The following PCDHA1 variants were observed in gnomAD, a reference collection of about 807,000 sequenced individuals.
The protein encoded by PCDHA1 is protocadherin alpha-1.
In PCDHA1, 42 loss-of-function variants were observed where a neutral mutation model predicts 61.3. That is an observed-to-expected ratio of 0.69 (90% CI 0.54 to 0.89). PCDHA1 has a LOEUF of 0.89. PCDHA1 is among the 40% of genes least tolerant of loss of function. PCDHA1 has a pLI of 0.00. For synonymous variants in PCDHA1, 610 were observed against 553.8 expected (o/e 1.10, Z -1.43); for missense variants, 1,256 against 1,235.3 (o/e 1.02, Z -0.25).
At chr5:140,878,577 G>A (rs1228813773) in intron 1 of PCDHA1, among the ~76,000 whole-genome samples, 2 of 152,122 alleles carry the variant, frequency 1.3e-5, no homozygotes, top group African/African-American at 2.4e-5. Context: ...GTATACCACT[G>A]CCCTGTGCCT....
intron 1 of PCDHA1, among the ~76,000 whole-genome samples, chr5:140,793,145 A>C (rs1161397224): frequency 6.6e-6 from 1 of 152,236 alleles, no homozygotes; most frequent in African/African-American, 2.4e-5. Flanking sequence ...AGAGTCATCA[A>C]ACTGGTAATT....
intron 1 of PCDHA1, chr5:140,816,182 C>G (rs2126670067): frequency 7.9e-5 from 12 of 152,234 alleles, no homozygotes; most frequent in African/African-American, 2.9e-4. Flanking sequence ...CTTAGGCTTT[C>G]TTTACTCTCT....
chr5:140,905,120 G>T (rs1191513318), intron 1 of PCDHA1, among the ~76,000 whole-genome samples: 3 of 152,214 alleles, frequency 2.0e-5, no homozygotes, highest in African/African-American at 7.2e-5. Flanking sequence ...CTAAGCCAAT[G>T]TCTAGAAGAG....
intron 1 of PCDHA1, among the ~76,000 whole-genome samples, chr5:140,832,518 C>T (rs1455279250): frequency 6.6e-6 from 1 of 152,190 alleles, no homozygotes; most frequent in African/African-American, 2.4e-5. Flanking sequence ...TCTGATTATA[C>T]TGAAGATCAC....
At chr5:140,887,333 T>A (rs1214047567) in intron 1 of PCDHA1, among the ~76,000 whole-genome samples, 1 of 152,174 alleles carries the variant, frequency 6.6e-6, no homozygotes, top group African/African-American at 2.4e-5. Context: ...CCTGACCTCG[T>A]GATCCACCTG....
intron 1 of PCDHA1, among the ~76,000 whole-genome samples, chr5:140,975,386 G>A (rs2096665314): frequency 6.6e-6 from 1 of 152,252 alleles, no homozygotes; most frequent in Admixed American, 6.5e-5. Flanking sequence ...ATGGGAATAA[G>A]ATCCATCACA....
At chr5:140,892,152 C>T (rs1364975733) in intron 1 of PCDHA1, among the ~76,000 whole-genome samples, 1 of 152,118 alleles carries the variant, frequency 6.6e-6, no homozygotes, top group African/African-American at 2.4e-5. Context: ...GCGTCTATTT[C>T]TGATATGTCC....
chr5:140,883,332 T>A, intron 1 of PCDHA1: 1 of 1,614,174 alleles, frequency 6.2e-7, no homozygotes, highest in East Asian at 2.2e-5. Context: ...ATCACTTCTT[T>A]GTCACTCCCC....
At chr5:140,885,930 AT>A (rs1188534786) in intron 1 of PCDHA1, among the ~76,000 whole-genome samples, 9 of 152,222 alleles carry the variant, frequency 5.9e-5, no homozygotes, top group Admixed American at 5.9e-4. Context: ...CTGTTTATCT[AT>A]TTTTTGACAT....
At chr5:140,791,894 T>C (rs1554118731) in intron 1 of PCDHA1, among the ~76,000 whole-genome samples, 1 of 152,176 alleles carries the variant, frequency 6.6e-6, no homozygotes, top group Non-Finnish European at 1.5e-5. Context: ...TGCTTGGACA[T>C]GTAAACGTTA....
intron 1 of PCDHA1, chr5:140,853,100 C>G: frequency 2.7e-6 from 1 of 369,590 alleles, no homozygotes; most frequent in Non-Finnish European, 3.8e-6. Flanking sequence ...AGGATGGTCT[C>G]GATCTCCTGA....
intron 1 of PCDHA1, among the ~76,000 whole-genome samples, chr5:140,826,782 C>T (rs1443804461): frequency 6.6e-6 from 1 of 152,004 alleles, no homozygotes; most frequent in Non-Finnish European, 1.5e-5. Flanking sequence ...TGAAAATAAC[C>T]TGCAAAAAGT....
rs557640687 is a variant in PCDHA1 at position 140,964,686 on chromosome 5, C to T, written c.2395-14263C>T. 7.2e-5 allele frequency among the ~76,000 whole-genome samples: 11 copies of T among 151,874 alleles called. No individual in the cohort carries two copies. In the East Asian group the frequency reaches 2.1e-3, roughly 29 times the overall value. On this transcript the variant is annotated intron_variant, in intron 1 of 3. Coordinates refer to ENST00000504120, the MANE Select transcript of PCDHA1 (RefSeq NM_018900.4). ...ACAGGCCAGGTCCACAATTTGTGCA[C>T]TTGAGAGATTAAGGCCTCCGAGATC...
chr5:140,808,858 C>T (rs1451689285), intron 1 of PCDHA1: 2 of 1,613,088 alleles, frequency 1.2e-6, no homozygotes, highest in African/African-American at 1.3e-5. Flanking sequence ...TCGTGCTGGA[C>T]GAAAACGACA....
intron 1 of PCDHA1, chr5:140,884,432 C>G: frequency 6.2e-7 from 1 of 1,613,880 alleles, no homozygotes; most frequent in Non-Finnish European, 8.5e-7. Context: ...TACTGCGCTG[C>G]GGTGCTCGGC....
At chr5:140,955,654 A>G (rs2095214723) in intron 1 of PCDHA1, among the ~76,000 whole-genome samples, 1 of 152,208 alleles carries the variant, frequency 6.6e-6, no homozygotes, top group South Asian at 2.1e-4. Flanking sequence ...TAATACACAT[A>G]TGAATTTTAA....
At chr5:140,935,255 C>T (rs914593610) in intron 1 of PCDHA1, among the ~76,000 whole-genome samples, 4 of 152,150 alleles carry the variant, frequency 2.6e-5, no homozygotes, top group African/African-American at 9.7e-5. Context: ...TAAAATACAT[C>T]ACATGTTTAT....
chr5:140,810,990 G>C (rs1764773060), intron 1 of PCDHA1: 1 of 152,100 alleles, frequency 6.6e-6, no homozygotes, highest in South Asian at 2.1e-4. Flanking sequence ...TAGGGGTCAA[G>C]ATTTATTTTT....
chr5:140,793,012 G>A (rs935160043), intron 1 of PCDHA1, among the ~76,000 whole-genome samples: 6 of 152,198 alleles, frequency 3.9e-5, no homozygotes, highest in Admixed American at 6.5e-5. Flanking sequence ...GTGGACCCAT[G>A]TCTAGCCAAT....
Sources: allele counts gnomAD v4.1 joint callset (sites outside exome capture counted in the v4.1 genomes callset), GRCh38; gene constraint gnomAD v4.1.1; transcripts MANE v1.5; gene names NCBI Gene and HGNC (gene_info 2026-07-23, HGNC 2026-07-21).